CCDC146: variants seen among roughly 807,000 people sequenced by gnomAD.
CCDC146 encodes the protein coiled-coil domain-containing protein 146.
A neutral mutation model predicts 119.3 loss-of-function variants in CCDC146; 92 were observed. The ratio of observed to expected loss-of-function variants is 0.77; its 90% confidence interval spans 0.65 to 0.92. The LOEUF is 0.92. Among genes scored for constraint, CCDC146 ranks in the 40% least tolerant of loss-of-function variants. CCDC146 has a pLI of 0.00. For synonymous variants in CCDC146, 372 were observed against 371.8 expected (o/e 1.00, Z -0.01); for missense variants, 1,000 against 1,103.0 (o/e 0.91, Z 1.32).
chr7:77,211,081 G>A (rs114748375), intron 2 of CCDC146, among the ~76,000 whole-genome samples: 22 of 152,192 alleles, frequency 1.4e-4, no homozygotes, highest in Non-Finnish European at 2.9e-4. Flanking sequence ...ATACATTAGG[G>A]TATCTATAAA....
chr7:77,201,973 C>T (rs1792000304), intron 2 of CCDC146, among the ~76,000 whole-genome samples: 1 of 151,980 alleles, frequency 6.6e-6, no homozygotes, highest in Non-Finnish European at 1.5e-5. Context: ...AGTTCCTAGT[C>T]CTTAAGGATA....
At chr7:77,271,181 C>T (rs932920861) in intron 9 of CCDC146, among the ~76,000 whole-genome samples, 20 of 151,886 alleles carry the variant, frequency 1.3e-4, no homozygotes, top group African/African-American at 4.8e-4. Flanking sequence ...GGAGATGAAC[C>T]TTTGAGTCAG....
intron 17 of CCDC146, among the ~76,000 whole-genome samples, chr7:77,292,688 TCTC>T (rs1793972023): frequency 6.6e-6 from 1 of 151,920 alleles, no homozygotes; most frequent in Non-Finnish European, 1.5e-5. Flanking sequence ...ACTAAACTGT[TCTC>T]CTCAATGTTA....
intron 3 of CCDC146, among the ~76,000 whole-genome samples, chr7:77,240,266 C>A (rs958971335): frequency 6.6e-6 from 1 of 152,326 alleles, no homozygotes; most frequent in African/African-American, 2.4e-5. Flanking sequence ...TTGTCTCCTG[C>A]TGTCTTGATC....
At chr7:77,281,853 GA>G (rs1193134713) in intron 14 of CCDC146, among the ~76,000 whole-genome samples, 1 of 151,802 alleles carries the variant, frequency 6.6e-6, no homozygotes, top group Non-Finnish European at 1.5e-5. Flanking sequence ...CTCCAGGGGA[GA>G]AAAAAAATGC....
At chr7:77,143,736 T>C (rs1344715033) in intron 1 of CCDC146, among the ~76,000 whole-genome samples, 1 of 151,688 alleles carries the variant, frequency 6.6e-6, no homozygotes, top group Non-Finnish European at 1.5e-5. Flanking sequence ...AGATGTGTGG[T>C]ATTATTTCTG....
intron 1 of CCDC146, among the ~76,000 whole-genome samples, chr7:77,165,088 C>T (rs1368079317): frequency 2.0e-5 from 3 of 152,334 alleles, no homozygotes; most frequent in South Asian, 2.1e-4. Context: ...ATTTTACCTG[C>T]TCTCTCTCCA....
In CCDC146 at chr7:77,196,945, T is replaced by C. The variant is rs1287781678; in HGVS notation, c.156+29121T>C. The C allele has an allele frequency of 1.2e-6, 2 of 1,612,868 alleles. No homozygotes were observed. Among genetic ancestry groups the C allele is most frequent in the Admixed American group, 1.7e-5 (1 of 60,000 alleles). On this transcript the variant is annotated intron_variant, in intron 2 of 18. Coordinates refer to ENST00000285871, the MANE Select transcript of CCDC146 (RefSeq NM_020879.3). The surrounding 1 kb of genome is among the most constrained non-coding windows in gnomAD (Gnocchi z 4.2). ...AGGTCTCACTGCTTCTTTTGCCTAT[T>C]GCGTAGTAGTCAGAGCAATCTTTAT...
chr7:77,200,683 C>G (rs990395976), intron 2 of CCDC146, among the ~76,000 whole-genome samples: 1 of 152,210 alleles, frequency 6.6e-6, no homozygotes, highest in Non-Finnish European at 1.5e-5. Context: ...CTTTCTGTCT[C>G]CACGCTGGTT....
intron 2 of CCDC146, among the ~76,000 whole-genome samples, chr7:77,223,446 T>TG (rs1479419357): frequency 5.3e-5 from 8 of 152,008 alleles, no homozygotes; most frequent in Non-Finnish European, 1.2e-4. Context: ...ATTCCTGTTG[T>TG]GGCCACCAAA....
chr7:77,151,630 T>TAAA (rs544058538), intron 1 of CCDC146, among the ~76,000 whole-genome samples: 6 of 151,454 alleles, frequency 4.0e-5, no homozygotes, highest in African/African-American at 1.2e-4. Context: ...TGATTTAAAT[T>TAAA]AAAAAAAAAC....
chr7:77,267,048 G>A (rs1793419223), intron 9 of CCDC146, among the ~76,000 whole-genome samples: 1 of 150,194 alleles, frequency 6.7e-6, no homozygotes, highest in Admixed American at 6.6e-5. Context: ...CTGGAGTACA[G>A]TGGCACCGTG....
chr7:77,257,408 C>T (rs183883127), intron 6 of CCDC146, among the ~76,000 whole-genome samples: 98 of 152,236 alleles, frequency 6.4e-4, no homozygotes, highest in African/African-American at 2.0e-3. Flanking sequence ...TACACTTTGA[C>T]CTGTTTTTCT....
intron 4 of CCDC146, among the ~76,000 whole-genome samples, chr7:77,246,170 C>G (rs1469024678): frequency 1.3e-5 from 2 of 152,166 alleles, no homozygotes; most frequent in East Asian, 3.9e-4. Flanking sequence ...TCTCAGTGAT[C>G]ATTCAGTCTA....
intron 1 of CCDC146, among the ~76,000 whole-genome samples, chr7:77,125,548 C>T (rs915036290): frequency 7.9e-5 from 12 of 151,374 alleles, no homozygotes; most frequent in African/African-American, 2.7e-4. Context: ...CATTTCTTAG[C>T]ATATATTGTT....
chr7:77,148,665 A>G (rs537032901), intron 1 of CCDC146, among the ~76,000 whole-genome samples: 1 of 152,294 alleles, frequency 6.6e-6, no homozygotes, highest in East Asian at 1.9e-4. Context: ...AAAAATCACA[A>G]GCATTTCTGT....
intron 2 of CCDC146, among the ~76,000 whole-genome samples, chr7:77,212,110 G>A (rs1335221053): frequency 1.3e-5 from 2 of 151,962 alleles, no homozygotes; most frequent in African/African-American, 2.4e-5. Flanking sequence ...ATACATATGG[G>A]AAAGAACAAA....
At chr7:77,172,128 C>T (rs1358904027) in intron 2 of CCDC146, among the ~76,000 whole-genome samples, 1 of 152,172 alleles carries the variant, frequency 6.6e-6, no homozygotes, top group Non-Finnish European at 1.5e-5. Context: ...AAATTGCAAA[C>T]TTTCGGAATA....
At chr7:77,245,060 T>TA (rs1792922768) in intron 4 of CCDC146, among the ~76,000 whole-genome samples, 1 of 152,372 alleles carries the variant, frequency 6.6e-6, no homozygotes, top group African/African-American at 2.4e-5. Context: ...TTTTACTGTG[T>TA]AATTTTGTCA....
Sources: gnomAD v4.1 joint callset for allele counts (sites outside exome capture counted in the v4.1 genomes callset) on GRCh38, gnomAD v4.1.1 for gene constraint, Gnocchi (gnomAD v3.1) non-coding constraint, MANE v1.5 for transcripts, NCBI Gene and HGNC (gene_info 2026-07-23, HGNC 2026-07-21) for gene names.